The following TMCO1 variants were observed in gnomAD, a reference collection of about 807,000 sequenced individuals.
TMCO1 encodes the protein transmembrane and coiled-coil domains 1, also known as calcium load-activated calcium channel.
TMCO1 carries 29 observed loss-of-function variants against 29.3 expected under a neutral mutation model. The ratio of observed to expected loss-of-function variants is 0.99; its 90% CI spans 0.74 to 1.35. The LOEUF (loss-of-function observed/expected upper bound fraction) is 1.35, where lower values mean the gene tolerates loss of function less well. TMCO1 is among the 40% of genes most tolerant of loss of function. The probability of loss-of-function intolerance (pLI) is 0.00; values close to 1 mark genes in which losing one functional copy is unlikely to be tolerated. For missense variants in TMCO1, 173 were observed against 225.5 expected (o/e 0.77, Z 1.49); for synonymous variants, 80 against 77.1 (o/e 1.04, Z -0.20).
chr1:165,760,308 A>G (rs1487796242), intron 2 of TMCO1, among the ~76,000 whole-genome samples: 1 of 151,958 alleles, frequency 6.6e-6, no homozygotes, highest in Non-Finnish European at 1.5e-5. Context: ...GCATATGCCT[A>G]TAATTCCAGC....
chr1:165,738,200 G>T (rs1312461598), intron 6 of TMCO1, among the ~76,000 whole-genome samples: 1 of 152,178 alleles, frequency 6.6e-6, no homozygotes, highest in Non-Finnish European at 1.5e-5. Context: ...AACTGAGATG[G>T]GAGAATTGCT....
chr1:165,743,747 G>A (rs574725907), intron 5 of TMCO1, among the ~76,000 whole-genome samples: 70 of 151,864 alleles, frequency 4.6e-4, no homozygotes, highest in Non-Finnish European at 9.1e-4. Flanking sequence ...TTCGCCTCCC[G>A]GGTTCAAGCG....
chr1:165,734,792 C>T (rs1367240828), intron 6 of TMCO1, among the ~76,000 whole-genome samples: 2 of 152,148 alleles, frequency 1.3e-5, no homozygotes, highest in African/African-American at 2.4e-5. Context: ...TGTGAGCCAC[C>T]GCGCTCGGCC....
intron 2 of TMCO1, among the ~76,000 whole-genome samples, chr1:165,766,256 G>T (rs1305728053): frequency 1.3e-5 from 2 of 152,184 alleles, no homozygotes. Context: ...TTCAATTTGG[G>T]ACGTGTTGGG....
chr1:165,768,316 T>C, intron 1 of TMCO1, 47 bp from the exon 2 acceptor site: 1 of 1,577,254 alleles, frequency 6.3e-7, no homozygotes, highest in Non-Finnish European at 8.7e-7. Context: ...ACTGGAATGA[T>C]CACAACAAAC....
At chr1:165,731,753 G>T (rs1046374232) in intron 6 of TMCO1, among the ~76,000 whole-genome samples, 1 of 152,198 alleles carries the variant, frequency 6.6e-6, no homozygotes, top group African/African-American at 2.4e-5. Context: ...CAACAAAAAA[G>T]TGTTAAAAAT....
intron 2 of TMCO1, 77 bp downstream of exon 2, chr1:165,768,115 C>T (rs1652642430): frequency 1.6e-6 from 2 of 1,267,794 alleles, no homozygotes; most frequent in Admixed American, 3.5e-5. Flanking sequence ...AGCTGGTGCT[C>T]TTAAAATATT....
intron 5 of TMCO1, among the ~76,000 whole-genome samples, chr1:165,750,126 A>G (rs970362379): frequency 2.6e-5 from 4 of 152,192 alleles, no homozygotes; most frequent in Non-Finnish European, 4.4e-5. Flanking sequence ...CTAAGGAACA[A>G]TATATACCAA....
chr1:165,736,483 C>G (rs568949514), intron 6 of TMCO1, among the ~76,000 whole-genome samples: 1 of 151,996 alleles, frequency 6.6e-6, no homozygotes, highest in Non-Finnish European at 1.5e-5. Flanking sequence ...TTTGGGAGGC[C>G]GAGGCAGGTG....
At chr1:165,736,720 CAAA>C (rs59372599) in intron 6 of TMCO1, among the ~76,000 whole-genome samples, 1,899 of 122,782 alleles carry the variant, frequency 0.015, 50 homozygotes, top group African/African-American at 0.054. Flanking sequence ...GACTCCATCT[CAAA>C]AAAAAAAAAA....
intron 2 of TMCO1, among the ~76,000 whole-genome samples, chr1:165,765,316 C>A (rs1488139955): frequency 6.6e-6 from 1 of 152,096 alleles, no homozygotes; most frequent in African/African-American, 2.4e-5. Flanking sequence ...AAGAGTCTTG[C>A]ACTGTTGGCC....
intron 2 of TMCO1, among the ~76,000 whole-genome samples, chr1:165,761,171 T>C (rs12038136): frequency 0.52 from 78,793 of 150,876 alleles, 21,054 homozygotes; most frequent in South Asian, 0.71. Flanking sequence ...TTTTGTGTAT[T>C]TGTGTGTGTG....
chr1:165,763,040 A>C (rs376590646), intron 2 of TMCO1, among the ~76,000 whole-genome samples: 1 of 152,222 alleles, frequency 6.6e-6, no homozygotes, highest in Non-Finnish European at 1.5e-5. Context: ...TGTTAAAAGC[A>C]GCTCAGTAGG....
intron 6 of TMCO1, among the ~76,000 whole-genome samples, chr1:165,732,497 CTCTCTCTCTA>C (rs1005130219): frequency 1.0e-4 from 15 of 143,028 alleles, no homozygotes; most frequent in East Asian, 4.0e-4. Flanking sequence ...CTCTCTCTCT[CTCTCTCTCTA>C]TATATATATA....
At chr1:165,744,383 T>C (rs73022526) in intron 5 of TMCO1, among the ~76,000 whole-genome samples, 2,025 of 152,334 alleles carry the variant, frequency 0.013, 53 homozygotes, top group African/African-American at 0.047. Flanking sequence ...ACTAGTTATC[T>C]CAGAAACCAC....
At chr1:165,737,363 C>T (rs1047468158) in intron 6 of TMCO1, among the ~76,000 whole-genome samples, 3 of 151,430 alleles carry the variant, frequency 2.0e-5, no homozygotes, top group African/African-American at 7.3e-5. Context: ...AAAAATTCAA[C>T]ATAGCTTCAG....
upstream of TMCO1, chr1:165,768,875 C>T (rs138993180): frequency 6.4e-7 from 1 of 1,558,086 alleles, no homozygotes. Flanking sequence ...CTCTGACAGC[C>T]CGAAGATCGC....
rs182824299 is a variant in TMCO1, at chr1:165,754,485, T to G, written c.209-211A>C. Among the ~76,000 whole-genome samples, 176 of 152,276 alleles carry G rather than the reference T, an allele frequency of 1.2e-3. 1 individual carries two copies. The highest frequency in any genetic ancestry group is 3.7e-3 in the African/African-American group (152 of 41,554). On this transcript the variant is annotated intron_variant, in intron 3 of 6. Coordinates refer to ENST00000367881, the MANE Select transcript of TMCO1 (RefSeq NM_019026.6). Reference sequence around the variant, plus strand: ...TATTTCAATTTAAATAAATAAATCTTTAGTGTTTTTTTGAAATTACCTCTG... The same window carrying G: ...TATTTCAATTTAAATAAATAAATCTGTAGTGTTTTTTTGAAATTACCTCTG...
At chr1:165,744,694 G>A (rs1322115814) in intron 5 of TMCO1, among the ~76,000 whole-genome samples, 1 of 150,896 alleles carries the variant, frequency 6.6e-6, no homozygotes, top group Non-Finnish European at 1.5e-5. Context: ...GGAGGCTGAG[G>A]CAGGAGAATC....
Sources: gnomAD v4.1 joint callset for allele counts (sites outside exome capture counted in the v4.1 genomes callset) on GRCh38, gnomAD v4.1.1 for gene constraint, MANE v1.5 for transcripts, NCBI Gene and HGNC (gene_info 2026-07-23, HGNC 2026-07-21) for gene names.